The following PRKAR1A variants were observed in gnomAD, a reference collection of about 807,000 sequenced individuals.
PRKAR1A encodes protein kinase cAMP-dependent type I regulatory subunit alpha, also known as cAMP-dependent protein kinase type I-alpha regulatory subunit.
Under a neutral mutation model 52.0 loss-of-function variants are expected in PRKAR1A, and 3 were observed. The ratio of observed to expected loss-of-function variants is 0.06; its 90% CI spans 0.03 to 0.15. The LOEUF (loss-of-function observed/expected upper bound fraction) is 0.15, where lower values mean the gene tolerates loss of function less well. Among genes scored for constraint, PRKAR1A ranks in the 10% least tolerant of loss-of-function variants. PRKAR1A has a pLI of 1.00. For missense variants in PRKAR1A, 240 were observed against 477.4 expected, an observed-to-expected ratio of 0.50 and a Z score of 4.63; for synonymous variants, 188 against 168.4, an observed-to-expected ratio of 1.12 and a Z score of -0.90.
the PRKAR1A span, chr17:68,457,413 G>C: frequency 1.3e-6 from 2 of 1,506,604 alleles, no homozygotes; most frequent in Non-Finnish European, 8.9e-7. Flanking sequence ...CCGCGGCCTC[G>C]GCCTCCATCG....
chr17:68,427,105 T>A, the PRKAR1A span: 1 of 1,568,104 alleles, frequency 6.4e-7, no homozygotes. Context: ...CTGTTGGAGA[T>A]GCTCCCCTGT....
the PRKAR1A span, among the ~76,000 whole-genome samples, chr17:68,480,031 C>T: frequency 6.6e-6 from 1 of 152,152 alleles, no homozygotes; most frequent in Non-Finnish European, 1.5e-5. Context: ...AGGTCCCTCC[C>T]ACAGCATGTG....
chr17:68,473,837 A>G, the PRKAR1A span, among the ~76,000 whole-genome samples: 1 of 152,134 alleles, frequency 6.6e-6, no homozygotes, highest in Non-Finnish European at 1.5e-5. Context: ...TCTATTTTAT[A>G]TGGATTGTTG....
the PRKAR1A span, chr17:68,434,487 G>C: frequency 1.3e-6 from 2 of 1,555,872 alleles, no homozygotes; most frequent in Admixed American, 1.7e-5. Flanking sequence ...CCTCTCCCTA[G>C]ACAGCTGCCA....
At chr17:68,432,177 G>GA in the PRKAR1A span, among the ~76,000 whole-genome samples, 1 of 152,218 alleles carries the variant, frequency 6.6e-6, no homozygotes, top group East Asian at 1.9e-4. Flanking sequence ...GAAGGAGCGA[G>GA]AAGGGAGCCG....
At chr17:68,426,254 G>GGCCCCCCCCCCCCCCCCCCCC in the PRKAR1A span, 1 of 816,922 alleles carries the variant, frequency 1.2e-6, no homozygotes, top group Non-Finnish European at 1.9e-6. Flanking sequence ...GGGAGCGGGG[G>GGCCCCCCCCCCCCCCCCCCCC]CTCAAATAAA....
chr17:68,545,816 G>A (rs763810428), intron 11 of PRKAR1A, among the ~76,000 whole-genome samples: 15 of 152,130 alleles, frequency 9.9e-5, no homozygotes, highest in East Asian at 1.9e-4. Context: ...TGTTCACAGC[G>A]TCTTCACCAG....
At chr17:68,468,439 T>A in the PRKAR1A span, among the ~76,000 whole-genome samples, 8 of 152,172 alleles carry the variant, frequency 5.3e-5, no homozygotes, top group Admixed American at 3.3e-4. Flanking sequence ...GAGTATTCCT[T>A]TAATTTTAGG....
chr17:68,420,394 C>T, the PRKAR1A span: 3 of 1,614,210 alleles, frequency 1.9e-6, no homozygotes, highest in Admixed American at 1.7e-5. Flanking sequence ...GCGCAGATTA[C>T]ACTCAGGACC....
At chr17:68,433,395 T>G in the PRKAR1A span, 2 of 1,316,604 alleles carry the variant, frequency 1.5e-6, no homozygotes, top group Non-Finnish European at 2.2e-6. Flanking sequence ...AAAGAGATCA[T>G]TCATGCCAGT....
chr17:68,515,964 C>A, intron 2 of PRKAR1A: 2 of 222,270 alleles, frequency 9.0e-6, no homozygotes, highest in Non-Finnish European at 1.8e-5. Flanking sequence ...AGCAAGTAAG[C>A]GTAGTAAATC....
the PRKAR1A span, among the ~76,000 whole-genome samples, chr17:68,416,407 T>G: frequency 6.6e-6 from 1 of 152,218 alleles, no homozygotes; most frequent in East Asian, 1.9e-4. Context: ...CTTTATAGGA[T>G]ACCTGGTATT....
At chr17:68,518,934 A>G (rs2085517033) in intron 2 of PRKAR1A, among the ~76,000 whole-genome samples, 1 of 152,218 alleles carries the variant, frequency 6.6e-6, no homozygotes, top group Non-Finnish European at 1.5e-5. Context: ...GGGCCAAAAT[A>G]CTGCCAGTCT....
At chr17:68,444,212 A>G in the PRKAR1A span, among the ~76,000 whole-genome samples, 2 of 152,200 alleles carry the variant, frequency 1.3e-5, no homozygotes, top group South Asian at 2.1e-4. Flanking sequence ...AATCTTTTAC[A>G]TGTCTACCTT....
the PRKAR1A span, among the ~76,000 whole-genome samples, chr17:68,477,334 T>C: frequency 6.6e-6 from 1 of 152,206 alleles, no homozygotes; most frequent in Non-Finnish European, 1.5e-5. Flanking sequence ...TAATTCATCA[T>C]TATCATGTAA....
At chr17:68,535,209 T>C, downstream of PRKAR1A, 1 of 448,130 alleles carries the variant, frequency 2.2e-6, no homozygotes, top group Non-Finnish European at 4.5e-6. Context: ...GTTGGTTTTC[T>C]GATATTTTTG....
chr17:68,476,047 A>G, the PRKAR1A span, among the ~76,000 whole-genome samples: 3 of 152,150 alleles, frequency 2.0e-5, no homozygotes, highest in Non-Finnish European at 4.4e-5. Context: ...GGCCTGGTCA[A>G]TTTTGGCAAT....
chr17:68,506,628 C>T, the PRKAR1A span, among the ~76,000 whole-genome samples: 110 of 152,124 alleles, frequency 7.2e-4, 1 homozygote, highest in Non-Finnish European at 1.1e-3. Flanking sequence ...GGACTACAGG[C>T]GTGCACCACC....
chr17:68,425,375 TTC>T, the PRKAR1A span, among the ~76,000 whole-genome samples: 1 of 125,014 alleles, frequency 8.0e-6, no homozygotes, highest in South Asian at 2.5e-4. Context: ...GGCTAATTTT[TTC>T]TTTTCTTTTT....
Sources: allele counts gnomAD v4.1 joint callset (sites outside exome capture counted in the v4.1 genomes callset), GRCh38; gene constraint gnomAD v4.1.1; transcripts MANE v1.5; gene names NCBI Gene and HGNC (gene_info 2026-07-23, HGNC 2026-07-21).